Variants in RHOC observed in about 807,000 individuals in gnomAD.
RHOC encodes the protein rho-related GTP-binding protein RhoC.
Under a neutral mutation model 19.5 loss-of-function variants are expected in RHOC, and 13 were observed. That is an observed-to-expected ratio of 0.67 (90% confidence interval 0.43 to 1.06). RHOC has a LOEUF of 1.06. Among genes scored for constraint, RHOC ranks in the 50% least tolerant of loss-of-function variants. The pLI is 0.00. For synonymous variants in RHOC, 106 were observed against 97.3 expected (o/e 1.09, Z -0.52); for missense variants, 173 against 256.9 (o/e 0.67, Z 2.23).
intron 1 of RHOC, among the ~76,000 whole-genome samples, chr1:112,706,464 CCACACACACACACA>C (rs57078670): frequency 2.3e-3 from 53 of 23,026 alleles, no homozygotes; most frequent in African/African-American, 9.5e-3. Context: ...CACACACACA[CCACACACACACACA>C]CACACACACA....
chr1:112,701,803 T>G lies in RHOC; in HGVS notation c.409-90A>C, dbSNP rs368945035. 439 of 1,416,036 alleles carry G rather than the reference T, an allele frequency of 3.1e-4. 3 individuals carry two copies. The highest frequency in any genetic ancestry group is 3.0e-3 in the Middle Eastern group (17 of 5,594). 87.7% of individuals were successfully genotyped at this position (1,416,036 alleles called of 1,614,324 possible). A position where few individuals can be genotyped will look rare whatever the true frequency, so the allele number is the denominator to read the frequency against. On this transcript the variant is annotated intron_variant, in intron 5 of 5. Coordinates refer to ENST00000339083, the MANE Select transcript of RHOC (RefSeq NM_175744.5). The stretch of plus-strand genomic sequence containing the variant: ...CCATAAGTGTAGCAGCTGGAACAAA[T>G]GCCTCCTTCTCCAGCCCTGACCCAG...
At position 112,703,009 on chromosome 1, in the gene RHOC, A is replaced by T; in HGVS notation, c.267T>A (p.Pro89=). Residue 89 remains proline, a synonymous_variant, in exon 4 of 6, where the codon CCT becomes CCA. Transcript: ENST00000339083. ...VILMCFSIDS[P]DSLENIPEKW... ...CTCCAATCCCCTCACCCAGGCTGTCAGGGCTGTCGATGGAGAAGCACATGA... is the reference window on the plus strand; with the variant it reads ...CTCCAATCCCCTCACCCAGGCTGTCTGGGCTGTCGATGGAGAAGCACATGA... The T allele has an allele frequency of 6.2e-7, 1 of 1,613,226 alleles. No individual in the cohort carries two copies. The highest frequency in any genetic ancestry group is 1.7e-4 in the Middle Eastern group (1 of 6,058).
At chr1:112,701,740 A>G in intron 5 of RHOC, 27 bp from the exon 6 acceptor site, 1 of 1,612,670 alleles carries the variant, frequency 6.2e-7, no homozygotes. Flanking sequence ...TGAGGGGTCA[A>G]AGGAAGCTGT....
chr1:112,702,463 A>G, intron 5 of RHOC, 100 bp downstream of exon 5: 1 of 1,312,042 alleles, frequency 7.6e-7, no homozygotes, highest in Non-Finnish European at 1.1e-6. Flanking sequence ...TGTTTCCCCT[A>G]ACACACGGCA....
At position 112,701,531 on chromosome 1, in the gene RHOC, T is replaced by C. The variant is rs763859296; in HGVS notation, c.*9A>G. On this transcript the variant is annotated 3_prime_UTR_variant, in exon 6 of 6. Transcript: ENST00000339083. ...AGGGAGGGGGCATGTAGGAAAGGCC[T>C]TGGGGATCTCAGAGAATGGGACAGC... The C allele has an allele frequency of 1.2e-6, 2 of 1,614,120 alleles. No individual in the cohort carries two copies. The highest frequency in any genetic ancestry group is 3.3e-5 in the Admixed American group (2 of 60,024).
chr1:112,701,595 C>T lies in RHOC; in HGVS notation c.527G>A (p.Arg176Gln). 4.3e-6 allele frequency: 7 copies of T among 1,614,054 alleles called. No homozygotes were observed. The highest frequency in any genetic ancestry group is 2.2e-5 in the South Asian group (2 of 91,074). Residue 176 changes from arginine to glutamine, a missense_variant, in exon 6 of 6, where the codon CGG becomes CAG. Coordinates refer to ENST00000339083, the MANE Select transcript of RHOC (RefSeq NM_175744.5). The part of the protein sequence containing the change: ...GVREVFEMAT[R>Q]AGLQVRKNKR... The stretch of plus-strand genomic sequence containing the variant: ...GTTCTTGCGGACCTGGAGGCCAGCC[C>T]GAGTGGCCATCTCAAACACCTCCCG...
At position 112,701,195 on chromosome 1, in the gene RHOC, G is replaced by A. The variant is rs985108987; in HGVS notation, c.*345C>T. 50 of 575,218 alleles carry A rather than the reference G, an allele frequency of 8.7e-5. 1 individual carries two copies. The highest frequency in any genetic ancestry group is 7.9e-4 in the South Asian group (32 of 40,668). 35.6% of individuals were successfully genotyped at this position (575,218 alleles called of 1,614,324 possible). ...TGCAGTGAGAGACAAGGCCCCTGCC[G>A]AAAACAACTCCAGGGGCCTGGGACT... is the stretch of plus-strand genomic sequence containing the variant. On this transcript the variant is annotated 3_prime_UTR_variant, in exon 6 of 6. Transcript: ENST00000339083.
At chr1:112,704,448 G>A (rs1409586244) in intron 2 of RHOC, 1 of 153,372 alleles carries the variant, frequency 6.5e-6, no homozygotes, top group African/African-American at 2.4e-5. Flanking sequence ...TGCCTGGAAG[G>A]TAGATGGTGC....
Position 112,701,515 on chromosome 1 carries a change from G to T in RHOC, c.*25C>A, listed in dbSNP as rs75601992. 3,898 of 1,614,080 alleles carry T rather than the reference G, an allele frequency of 2.4e-3. 93 individuals carry two copies. The African/African-American group carries it at 0.046, about 19-fold the overall frequency. The stretch of plus-strand genomic sequence containing the variant: ...TTCTGTACCCCTGTGAAGGGAGGGG[G>T]CATGTAGGAAAGGCCTTGGGGATCT... On this transcript the variant is annotated 3_prime_UTR_variant, in exon 6 of 6. Transcript: ENST00000339083.
At chr1:112,702,492 C>T in intron 5 of RHOC, 71 bp downstream of exon 5, 1 of 1,545,798 alleles carries the variant, frequency 6.5e-7, no homozygotes, top group Non-Finnish European at 8.9e-7. Flanking sequence ...AGAGAAGTTC[C>T]CTTTGCCCGT....
intron 1 of RHOC, 147 bp from the exon 2 acceptor site, chr1:112,705,315 CT>C: frequency 1.6e-6 from 1 of 638,908 alleles, no homozygotes; most frequent in South Asian, 1.7e-5. Flanking sequence ...CTAGCTTTTT[CT>C]CTCAGTCCCA....
chr1:112,702,910 ACCTCTGAAGATGACTGAAGACAGG>A, intron 4 of RHOC, 65 bp downstream of exon 4: 1 of 914,996 alleles, frequency 1.1e-6, no homozygotes, highest in Non-Finnish European at 1.6e-6. Flanking sequence ...CCCCACCCCC[ACCTCTGAAGATGACTGAAGACAGG>A]CCAAGGCACG....
chr1:112,706,971 C>T (rs1674918297), intron 1 of RHOC, 107 bp downstream of exon 1: 1 of 152,020 alleles, frequency 6.6e-6, no homozygotes, highest in Non-Finnish European at 1.5e-5. Context: ...AGGCCGAAGC[C>T]CCTCCTCGCA....
chr1:112,703,556 G>C (rs1674734862), intron 3 of RHOC, 88 bp downstream of exon 3: 3 of 1,082,944 alleles, frequency 2.8e-6, no homozygotes, highest in African/African-American at 1.5e-5. Flanking sequence ...CAAAGACAGG[G>C]GTAGGAATGG....
intron 2 of RHOC, 133 bp from the exon 3 acceptor site, chr1:112,703,939 G>T: frequency 1.3e-6 from 1 of 748,456 alleles, no homozygotes; most frequent in Non-Finnish European, 2.1e-6. Flanking sequence ...GCATGTTCTG[G>T]CAAAACACCA....
In RHOC at chr1:112,701,575, T is replaced by TG; in HGVS notation, c.546dup (p.Lys183GlnfsTer142). The TG allele has an allele frequency of 6.2e-7, 1 of 1,614,066 alleles. No individual in the cohort carries two copies. Among genetic ancestry groups the TG allele is most frequent in the Non-Finnish European group, 8.5e-7 (1 of 1,179,974 alleles). ...GGACAGCCCCTCCGACGCTTGTTCT[T>TG]GCGGACCTGGAGGCCAGCCCGAGTG... On this transcript the variant is annotated frameshift_variant, in exon 6 of 6. Coordinates refer to ENST00000339083, the MANE Select transcript of RHOC (RefSeq NM_175744.5). LOFTEE classifies it high-confidence loss of function.
Position 112,701,363 on chromosome 1 carries a change from C to A in RHOC, c.*177G>T. Reference sequence around the variant, plus strand: ...CAGGGCATAGGCGTGGCTCCCAGAGCGCTGGGAGGGAGGGCCCGTGCCACC... The same window carrying A: ...CAGGGCATAGGCGTGGCTCCCAGAGAGCTGGGAGGGAGGGCCCGTGCCACC... On this transcript the variant is annotated 3_prime_UTR_variant, in exon 6 of 6. Coordinates refer to ENST00000339083, the MANE Select transcript of RHOC (RefSeq NM_175744.5). The A allele has an allele frequency of 6.6e-7, 1 of 1,508,676 alleles. No individual in the cohort carries two copies. The highest frequency in any genetic ancestry group is 1.3e-5 in the South Asian group (1 of 77,142). The allele number at this position is 1,508,676 out of a possible 1,614,324, so 93.5% of individuals were successfully genotyped here. A position where few individuals can be genotyped will look rare whatever the true frequency, so the allele number is the denominator to read the frequency against.
intron 5 of RHOC, among the ~76,000 whole-genome samples, chr1:112,702,249 T>C (rs988832062): frequency 6.6e-6 from 1 of 152,214 alleles, no homozygotes; most frequent in African/African-American, 2.4e-5. Context: ...GGCACTCTGA[T>C]GGCACAGCCT....
At chr1:112,702,932 A>T in intron 4 of RHOC, 67 bp downstream of exon 4, 1 of 1,580,040 alleles carries the variant, frequency 6.3e-7, no homozygotes, top group Non-Finnish European at 8.7e-7. Context: ...GACTGAAGAC[A>T]GGCCAAGGCA....
Sources: allele counts gnomAD v4.1 joint callset (sites outside exome capture counted in the v4.1 genomes callset), GRCh38; gene constraint gnomAD v4.1.1; transcripts MANE v1.5; gene names NCBI Gene and HGNC (gene_info 2026-07-23, HGNC 2026-07-21).